CPLX3: variants seen among roughly 807,000 people sequenced by gnomAD.
CPLX3 encodes complexin-3.
In CPLX3, 12 loss-of-function variants were observed where a neutral mutation model predicts 17.2. The ratio of observed to expected loss-of-function variants is 0.70; its 90% confidence interval spans 0.45 to 1.13. The LOEUF (loss-of-function observed/expected upper bound fraction) is 1.13. Among genes scored for constraint, CPLX3 ranks in the 50% most tolerant of loss-of-function variants. The probability of loss-of-function intolerance (pLI) is 0.00; values close to 1 mark genes in which losing one functional copy is unlikely to be tolerated. For synonymous variants in CPLX3, 75 were observed against 79.4 expected (o/e 0.94, Z 0.29); for missense variants, 172 against 203.2 (o/e 0.85, Z 0.93).
rs748367134 is a variant in CPLX3, at chr15:74,830,276, C to T, written c.399C>T (p.Asn133=). ...LGQLASLPGL[N]LGSLKDKAQA... ...AGCTGGCCAGCCTTCCTGGCTTGAA[C>T]CTGGGCTCACTCAAGGACAAGGCCC... The change falls in exon 3 of 3, where the codon AAC becomes AAT. Residue 133 remains asparagine (N), a synonymous_variant. Coordinates refer to ENST00000395018, the MANE Select transcript of CPLX3 (RefSeq NM_001030005.3). 1.2e-6 allele frequency: 2 copies of T among 1,613,966 alleles called. No individual in the cohort carries two copies. The highest frequency in any genetic ancestry group is 1.1e-5 in the South Asian group (1 of 91,070).
rs1174235539 is a variant in CPLX3, at chr15:74,826,841, G to GT, written c.139dup (p.Tyr47LeufsTer43). 2.6e-5 allele frequency: 41 copies of GT among 1,603,968 alleles called. No homozygotes were observed. The highest frequency in any genetic ancestry group is 3.0e-5 in the Non-Finnish European group (35 of 1,175,232). On this transcript the variant is annotated frameshift_variant, in exon 1 of 3. Transcript: ENST00000395018. LOFTEE classifies it high-confidence loss of function. This position sits in a 1 kb window ranked among gnomAD's most constrained non-coding sequence, Gnocchi z 5.0. ...GCATGAGCCGGGAGGAGTACGAGGA[G>GT]TATCAGAAGCAACTCGTGGAAGAGA...
At position 74,830,666 on chromosome 15, in the gene CPLX3, G is replaced by A. The variant is rs2141121607; in HGVS notation, c.*312G>A. The A allele has an allele frequency of 6.2e-6, 2 of 322,326 alleles. No individual in the cohort carries two copies. The highest frequency in any genetic ancestry group is 9.9e-4 in the Middle Eastern group (1 of 1,014). The allele number at this position is 322,326 out of a possible 1,614,324, so 20.0% of individuals were successfully genotyped here. ...TCCTGCACACAGGAGCACCCACAGA[G>A]AGACACACACAGGACACAAAACCCC... On this transcript the variant is annotated 3_prime_UTR_variant, in exon 3 of 3. Transcript: ENST00000395018.
Position 74,830,315 on chromosome 15 carries a change from G to A in CPLX3, c.438G>A (p.Gly146=), listed in dbSNP as rs1231790421. 1 of 1,613,762 alleles carries A rather than the reference G, an allele frequency of 6.2e-7. No individual in the cohort carries two copies. The highest frequency in any genetic ancestry group is 8.5e-7 in the Non-Finnish European group (1 of 1,180,032). Residue 146 remains glycine (G), a synonymous_variant, in exon 3 of 3, where the codon GGG becomes GGA. Transcript: ENST00000395018. ...AGGACAAGGCCCAGGCCACACTGGG[G>A]GATCTCAAGCAATCAGCTGAGAAGT... The part of the protein sequence containing the change: ...SLKDKAQATL[G]DLKQSAEKCH...
rs1249924634 is a variant in CPLX3, at chr15:74,827,166, C to T, written c.164+299C>T. 2.6e-5 allele frequency among the ~76,000 whole-genome samples: 4 copies of T among 152,164 alleles called. No homozygotes were observed. The South Asian group carries it at 6.2e-4, about 24-fold the overall frequency. On this transcript the variant is annotated intron_variant, in intron 1 of 2. Coordinates refer to ENST00000395018, the MANE Select transcript of CPLX3 (RefSeq NM_001030005.3). The stretch of plus-strand genomic sequence containing the variant: ...CGTGCGTTTCTGACGAAACGATAAT[C>T]CCTTAATCCGATCTGGTCCCAGCCG...
chr15:74,830,003 A>G, intron 2 of CPLX3, 127 bp from the exon 3 acceptor site: 1 of 711,150 alleles, frequency 1.4e-6, no homozygotes, highest in Non-Finnish European at 2.3e-6. Flanking sequence ...CTCTACAAAA[A>G]AAAAAAAAAA....
At chr15:74,829,201 C>T (rs932561818) in intron 2 of CPLX3, among the ~76,000 whole-genome samples, 1 of 152,202 alleles carries the variant, frequency 6.6e-6, no homozygotes, top group Non-Finnish European at 1.5e-5. Flanking sequence ...GGAATAAAAT[C>T]ATTCCTCAGA....
intron 2 of CPLX3, among the ~76,000 whole-genome samples, chr15:74,828,609 G>A (rs1029751035): frequency 1.3e-5 from 2 of 152,176 alleles, no homozygotes; most frequent in East Asian, 1.9e-4. Context: ...AATGCTGCCA[G>A]GCAGCTATCA....
At position 74,826,880 on chromosome 15, in the gene CPLX3, C is replaced by T. The variant is rs2063945834; in HGVS notation, c.164+13C>T. The T allele has an allele frequency of 1.3e-6, 2 of 1,594,660 alleles. No individual in the cohort carries two copies. Among genetic ancestry groups the T allele is most frequent in the Non-Finnish European group, 1.7e-6 (2 of 1,170,540 alleles). On this transcript the variant is annotated intron_variant, in intron 1 of 2. Transcript: ENST00000395018. The surrounding 1 kb of genome is among the most constrained non-coding windows in gnomAD (Gnocchi z 5.0). ...TCGTGGAAGAGAAGTGAGTGGGATCCCTTCCTGGCTCCAACGACCTCCCCT... is the reference window on the plus strand; with the variant it reads ...TCGTGGAAGAGAAGTGAGTGGGATCTCTTCCTGGCTCCAACGACCTCCCCT...
intron 2 of CPLX3, among the ~76,000 whole-genome samples, chr15:74,828,752 C>T (rs1321921324): frequency 1.3e-5 from 2 of 152,124 alleles, no homozygotes; most frequent in African/African-American, 4.8e-5. Context: ...GCTCCAGGGC[C>T]CCAGGCTGCT....
At position 74,827,967 on chromosome 15, in the gene CPLX3, C is replaced by A. The variant is rs573199531; in HGVS notation, c.165-67C>A. ...TAGGACTCAGAGACCCCTTCTGTCC[C>A]TCCCTCGAAGACCTCAACCCCCTTC... On this transcript the variant is annotated intron_variant, in intron 1 of 2. Coordinates refer to ENST00000395018, the MANE Select transcript of CPLX3 (RefSeq NM_001030005.3). 7.7e-5 allele frequency: 103 copies of A among 1,329,054 alleles called. No individual in the cohort carries two copies. In the East Asian group the frequency reaches 2.5e-3, roughly 33 times the overall value. The allele number at this position is 1,329,054 out of a possible 1,614,324, so 82.3% of individuals were successfully genotyped here.
intron 1 of CPLX3, among the ~76,000 whole-genome samples, chr15:74,827,772 G>A (rs907554488): frequency 2.9e-4 from 44 of 152,318 alleles, no homozygotes; most frequent in Admixed American, 1.5e-3. Flanking sequence ...GGCCATGAGG[G>A]ACAAATAATT....
chr15:74,829,908 C>T (rs1257683870), intron 2 of CPLX3, among the ~76,000 whole-genome samples: 1 of 151,924 alleles, frequency 6.6e-6, no homozygotes, highest in African/African-American at 2.4e-5. Flanking sequence ...TCCTGTATTC[C>T]CCCGGCACTT....
In CPLX3 at chr15:74,826,979, G is replaced by A; in HGVS notation, c.164+112G>A. Reference sequence around the variant, plus strand: ...CAATCCCTTCTCCCCTACTTTCCTAGACACGGTAAGAGACCGGGAGGTGTC... The same window carrying A: ...CAATCCCTTCTCCCCTACTTTCCTAAACACGGTAAGAGACCGGGAGGTGTC... On this transcript the variant is annotated intron_variant, in intron 1 of 2. Transcript: ENST00000395018. This position sits in a 1 kb window ranked among gnomAD's most constrained non-coding sequence, Gnocchi z 5.0. The A allele has an allele frequency of 1.0e-6, 1 of 977,776 alleles. No homozygotes were observed. The highest frequency in any genetic ancestry group is 1.5e-6 in the Non-Finnish European group (1 of 665,970). The allele number at this position is 977,776 out of a possible 1,614,324, so 60.6% of individuals were successfully genotyped here.
chr15:74,828,267 T>C (rs918204979), intron 2 of CPLX3, 146 bp downstream of exon 2: 4 of 713,256 alleles, frequency 5.6e-6, no homozygotes, highest in African/African-American at 5.3e-5. Flanking sequence ...ATTTGTTCTT[T>C]TATTCATTCA....
intron 2 of CPLX3, among the ~76,000 whole-genome samples, chr15:74,828,797 G>A (rs991148765): frequency 6.6e-6 from 1 of 152,112 alleles, no homozygotes; most frequent in East Asian, 1.9e-4. Context: ...AGAGAGCCAA[G>A]TACCCCCTTG....
chr15:74,827,977 G>A, intron 1 of CPLX3, 57 bp from the exon 2 acceptor site: 1 of 1,419,744 alleles, frequency 7.0e-7, no homozygotes, highest in Non-Finnish European at 9.8e-7. Flanking sequence ...CTCCCTCGAA[G>A]ACCTCAACCC....
chr15:74,826,787 T>TAA lies in CPLX3; in HGVS notation c.84_85insAA (p.Gly29LysfsTer12). ...TGGGAGGCGGCGAGGATAAGGGAGA[T>TAA]GGGGACAAGTCGGCAGCCGAAGCTC... On this transcript the variant is annotated frameshift_variant, in exon 1 of 3. Transcript: ENST00000395018. LOFTEE classifies it high-confidence loss of function. This position sits in a 1 kb window ranked among gnomAD's most constrained non-coding sequence, Gnocchi z 5.0. 6.2e-7 allele frequency: 1 copy of TAA among 1,605,158 alleles called. No homozygotes were observed. Among genetic ancestry groups the TAA allele is most frequent in the Non-Finnish European group, 8.5e-7 (1 of 1,175,938 alleles).
intron 2 of CPLX3, among the ~76,000 whole-genome samples, chr15:74,828,797 G>C (rs991148765): frequency 1.3e-5 from 2 of 152,112 alleles, no homozygotes; most frequent in African/African-American, 4.8e-5. Context: ...AGAGAGCCAA[G>C]TACCCCCTTG....
In CPLX3 at chr15:74,830,323, A is replaced by G. The variant is rs751854584; in HGVS notation, c.446A>G (p.Lys149Arg). The change falls in exon 3 of 3, where the codon AAG (lysine) becomes AGG (arginine). Residue 149 changes from lysine (K) to arginine (R), a missense_variant. Lys to Arg is a conservative substitution (Grantham distance 26). Coordinates refer to ENST00000395018, the MANE Select transcript of CPLX3 (RefSeq NM_001030005.3). ...DKAQATLGDL[K>R]QSAEKCHVM ...GCCCAGGCCACACTGGGGGATCTCA[A>G]GCAATCAGCTGAGAAGTGTCACGTC... 99 of 1,613,554 alleles carry G rather than the reference A, an allele frequency of 6.1e-5. No homozygotes were observed. Among genetic ancestry groups the G allele is most frequent in the Non-Finnish European group, 7.8e-5 (92 of 1,180,030 alleles).
Sources: allele counts gnomAD v4.1 joint callset (sites outside exome capture counted in the v4.1 genomes callset), GRCh38; gene constraint gnomAD v4.1.1; non-coding constraint Gnocchi (gnomAD v3.1); transcripts MANE v1.5; gene names NCBI Gene and HGNC (gene_info 2026-07-23, HGNC 2026-07-21).